ASTN2: variants seen among roughly 807,000 people sequenced by gnomAD.
The protein encoded by ASTN2 is astrotactin-2.
ASTN2 carries 54 observed loss-of-function variants against 139.8 expected under a neutral mutation model. That is an observed-to-expected ratio of 0.39 (90% CI 0.31 to 0.48). ASTN2 has a LOEUF of 0.48. Ranked by LOEUF, ASTN2 falls within the 20% of genes least tolerant of loss-of-function variation. ASTN2 has a pLI of 0.95. For synonymous variants in ASTN2, 756 were observed against 719.5 expected, an observed-to-expected ratio of 1.05 and a Z score of -0.81; for missense variants, 1,565 against 1,725.1, an observed-to-expected ratio of 0.91 and a Z score of 1.64.
intron 5 of ASTN2, among the ~76,000 whole-genome samples, chr9:117,053,258 C>T (rs950440079): frequency 1.3e-5 from 2 of 151,988 alleles, no homozygotes; most frequent in Non-Finnish European, 2.9e-5. Flanking sequence ...TTGAGACTAG[C>T]CTGGGCAACA....
At chr9:117,218,453 G>A (rs1832405242) in intron 2 of ASTN2, among the ~76,000 whole-genome samples, 1 of 152,136 alleles carries the variant, frequency 6.6e-6, no homozygotes, top group African/African-American at 2.4e-5. Flanking sequence ...CAGTATTCTG[G>A]GGCTCATCGT....
At chr9:116,616,780 GAC>G (rs59771463) in intron 19 of ASTN2, among the ~76,000 whole-genome samples, 49,729 of 149,528 alleles carry the variant, frequency 0.33, 8,272 homozygotes, top group Admixed American at 0.43. Context: ...GAAGGACAAA[GAC>G]ACACACACAC....
chr9:117,072,160 G>C (rs1414867483), intron 5 of ASTN2, among the ~76,000 whole-genome samples: 1 of 152,082 alleles, frequency 6.6e-6, no homozygotes, highest in African/African-American at 2.4e-5. Context: ...GAATTATGGG[G>C]CCTCCTACAA....
Position 117,232,772 on chromosome 9 carries a change from C to A in ASTN2, c.631-18030G>T, listed in dbSNP as rs146557319. 7.8e-4 allele frequency among the ~76,000 whole-genome samples: 118 copies of A among 152,244 alleles called. 1 individual carries two copies. In the East Asian group the frequency reaches 0.021, roughly 28 times the overall value. On this transcript the variant is annotated intron_variant, in intron 2 of 22. Transcript: ENST00000313400. ...CACCAGAAACTCTATTGTCTCTTCT[C>A]CCTTTGTTGGGAGCAATTTTTTTTC...
chr9:117,206,637 C>G (rs75037212), intron 3 of ASTN2, among the ~76,000 whole-genome samples: 7,938 of 152,232 alleles, frequency 0.052, 309 homozygotes, highest in Non-Finnish European at 0.08. Flanking sequence ...ACAAGCCCAG[C>G]TTTACAGAGC....
intron 16 of ASTN2, among the ~76,000 whole-genome samples, chr9:116,720,509 G>A (rs1828441709): frequency 6.6e-6 from 1 of 151,852 alleles, no homozygotes. Flanking sequence ...ATTTTGGTGT[G>A]CCTTTGTCTA....
chr9:117,282,663 T>C lies in ASTN2; in HGVS notation c.630+8663A>G, dbSNP rs540109131. ...GAGAGAACCCACATCTGAGCATCAG[T>C]TTCAAGAGGCATCCTATATTTTTGC... On this transcript the variant is annotated intron_variant, in intron 2 of 22. Transcript: ENST00000313400. 5.9e-4 allele frequency among the ~76,000 whole-genome samples: 88 copies of C among 149,578 alleles called. 1 individual carries two copies. The highest frequency in any genetic ancestry group is 1.0e-3 in the South Asian group (5 of 4,826).
At position 117,323,008 on chromosome 9, in the gene ASTN2, G is replaced by A. The variant is rs78950260; in HGVS notation, c.443-31495C>T. Among the ~76,000 whole-genome samples, 1,283 of 152,066 alleles carry A rather than the reference G, an allele frequency of 8.4e-3. 17 individuals are homozygous for A. The highest frequency in any genetic ancestry group is 0.029 in the African/African-American group (1,212 of 41,454). Reference sequence around the variant, plus strand: ...GAGTCAAGTCCAGAATTTAATAAAGGTAACAAAAATACTACGGTATTCCAA... The same window carrying A: ...GAGTCAAGTCCAGAATTTAATAAAGATAACAAAAATACTACGGTATTCCAA... On this transcript the variant is annotated intron_variant, in intron 1 of 22. Coordinates refer to ENST00000313400, the MANE Select transcript of ASTN2 (RefSeq NM_001365068.1).
chr9:117,385,480 G>A (rs185892357), intron 1 of ASTN2, among the ~76,000 whole-genome samples: 115 of 152,276 alleles, frequency 7.6e-4, no homozygotes, highest in Non-Finnish European at 3.1e-4. Context: ...GGGAAGGCTA[G>A]GTGGAAAAGA....
intron 16 of ASTN2, among the ~76,000 whole-genome samples, chr9:116,722,899 C>T (rs2132112343): frequency 6.6e-6 from 1 of 152,292 alleles, no homozygotes; most frequent in East Asian, 1.9e-4. Flanking sequence ...GGCGCTGTGG[C>T]TTACGCCTGT....
At chr9:117,297,270 G>A (rs1834759193) in intron 1 of ASTN2, among the ~76,000 whole-genome samples, 1 of 152,170 alleles carries the variant, frequency 6.6e-6, no homozygotes, top group African/African-American at 2.4e-5. Context: ...GACATTACAT[G>A]AGATGAACTC....
intron 3 of ASTN2, among the ~76,000 whole-genome samples, chr9:117,200,062 TTTA>T (rs1477077535): frequency 6.6e-6 from 1 of 150,796 alleles, no homozygotes; most frequent in South Asian, 2.1e-4. Context: ...TTTTCTTTTT[TTTA>T]TTATTATTAT....
intron 2 of ASTN2, among the ~76,000 whole-genome samples, chr9:117,230,694 G>A (rs1343747651): frequency 2.0e-5 from 3 of 152,092 alleles, no homozygotes; most frequent in African/African-American, 7.2e-5. Flanking sequence ...ATTGAGCCAG[G>A]AAAGAAAAGG....
chr9:117,276,762 C>T (rs1388599246), intron 2 of ASTN2, among the ~76,000 whole-genome samples: 1 of 152,136 alleles, frequency 6.6e-6, no homozygotes, highest in Non-Finnish European at 1.5e-5. Flanking sequence ...AAGAGCTTTG[C>T]TGCCAACAGA....
At chr9:116,704,760 A>G (rs1188400804) in intron 16 of ASTN2, among the ~76,000 whole-genome samples, 2 of 152,202 alleles carry the variant, frequency 1.3e-5, no homozygotes, top group Non-Finnish European at 2.9e-5. Context: ...ATTCACAGCA[A>G]TGTATCCCAT....
chr9:116,662,929 C>A (rs773486980), intron 16 of ASTN2, among the ~76,000 whole-genome samples: 1 of 152,170 alleles, frequency 6.6e-6, no homozygotes, highest in Admixed American at 6.5e-5. Context: ...GGTCATTAGG[C>A]ATTCAAAGAC....
At chr9:117,035,969 T>G (rs1255544873) in intron 6 of ASTN2, among the ~76,000 whole-genome samples, 1 of 152,196 alleles carries the variant, frequency 6.6e-6, no homozygotes, top group Non-Finnish European at 1.5e-5. Context: ...CTGAAGTCTC[T>G]TTCTCTACAA....
At chr9:117,385,788 A>G (rs112300687) in intron 1 of ASTN2, among the ~76,000 whole-genome samples, 4 of 152,234 alleles carry the variant, frequency 2.6e-5, no homozygotes, top group African/African-American at 9.6e-5. Context: ...AAAAGGGACA[A>G]AAAGGAAAAA....
intron 11 of ASTN2, among the ~76,000 whole-genome samples, chr9:116,842,732 G>C (rs568299890): frequency 1.4e-5 from 2 of 146,560 alleles, no homozygotes; most frequent in Non-Finnish European, 3.0e-5. Flanking sequence ...GGGAAGCGGC[G>C]AGGGTGGGGT....
Sources: allele counts gnomAD v4.1 joint callset (sites outside exome capture counted in the v4.1 genomes callset), GRCh38; gene constraint gnomAD v4.1.1; transcripts MANE v1.5; gene names NCBI Gene and HGNC (gene_info 2026-07-23, HGNC 2026-07-21).